NTM: variants seen among roughly 807,000 people sequenced by gnomAD.
NTM encodes neurotrimin, also known as IgLON family member 2.
A neutral mutation model predicts 42.1 loss-of-function variants in NTM; 13 were observed. That is an observed-to-expected ratio of 0.31 (90% CI 0.20 to 0.49). The LOEUF is 0.49. NTM is among the 20% of genes least tolerant of loss of function. The pLI is 0.99. For synonymous variants in NTM, 187 were observed against 179.2 expected (o/e 1.04, Z -0.35); for missense variants, 373 against 452.8 (o/e 0.82, Z 1.60).
chr11:131,391,159 G>A (rs1420399401), intron 1 of NTM, among the ~76,000 whole-genome samples: 1 of 152,172 alleles, frequency 6.6e-6, no homozygotes, highest in Middle Eastern at 3.2e-3. Flanking sequence ...GTGAGGTAGG[G>A]GTTGTAGATA....
Position 131,370,651 on chromosome 11 carries a change from T to A in NTM, c.-156T>A, listed in dbSNP as rs1253475533. 2 of 631,396 alleles carry A rather than the reference T, an allele frequency of 3.2e-6. No individual in the cohort carries two copies. Among genetic ancestry groups the A allele is most frequent in the East Asian group, 5.5e-5 (2 of 36,670 alleles). The allele number at this position is 631,396 out of a possible 1,614,324, so 39.1% of individuals were successfully genotyped here. A position where few individuals can be genotyped will look rare whatever the true frequency, so the allele number is the denominator to read the frequency against. On this transcript the variant is annotated 5_prime_UTR_variant, in exon 1 of 9. Transcript: ENST00000683400. ...GGAGATAATTACGGAGAAGTCATAC[T>A]CTCTCACACCCTCGGCTTTCTTGTT...
chr11:132,022,299 TTGCTCGACTTTA>T (rs1418387701), intron 2 of NTM, among the ~76,000 whole-genome samples: 1 of 152,262 alleles, frequency 6.6e-6, no homozygotes, highest in African/African-American at 2.4e-5. Context: ...TTTGTCAATT[TTGCTCGACTTTA>T]TGCTCTGTTT....
intron 1 of NTM, chr11:131,573,611 C>T (rs1294661023): frequency 1.3e-5 from 2 of 152,174 alleles, no homozygotes; most frequent in East Asian, 1.9e-4. Flanking sequence ...TGAAACAGTT[C>T]CCCCTCCTAT....
intron 1 of NTM, among the ~76,000 whole-genome samples, chr11:131,818,788 A>G (rs1468916378): frequency 6.6e-6 from 1 of 152,080 alleles, no homozygotes; most frequent in Admixed American, 6.5e-5. Context: ...TTCTATCCAG[A>G]ATCTATGTGG....
At chr11:131,378,000 A>G (rs1942194027) in intron 1 of NTM, among the ~76,000 whole-genome samples, 1 of 152,192 alleles carries the variant, frequency 6.6e-6, no homozygotes, top group African/African-American at 2.4e-5. Context: ...GGTAGGTGCA[A>G]TCTGCATTTA....
chr11:132,128,937 CAAAAAAAAAAAAAAA>C (rs66598841), intron 2 of NTM, among the ~76,000 whole-genome samples: 5 of 66,070 alleles, frequency 7.6e-5, no homozygotes, highest in African/African-American at 1.8e-4. Flanking sequence ...GACACCATCT[CAAAAAAAAAAAAAAA>C]AAAAAAAAAA....
chr11:132,330,264 T>C, intron 8 of NTM, 79 bp downstream of exon 8: 3 of 1,491,634 alleles, frequency 2.0e-6, no homozygotes, highest in Non-Finnish European at 2.7e-6. Flanking sequence ...CCAGATGCCT[T>C]CTTTCCTGAG....
intron 2 of NTM, among the ~76,000 whole-genome samples, chr11:132,088,514 CA>C (rs995055150): frequency 6.6e-6 from 1 of 151,840 alleles, no homozygotes; most frequent in Admixed American, 6.5e-5. Flanking sequence ...AAGCTGTCAA[CA>C]AAAAAAGGGG....
At chr11:132,255,672 C>A (rs181442065) in intron 4 of NTM, among the ~76,000 whole-genome samples, 1 of 152,308 alleles carries the variant, frequency 6.6e-6, no homozygotes, top group Admixed American at 6.5e-5. Flanking sequence ...CCTAATGCGG[C>A]TGCCCTCATC....
chr11:131,872,441 C>T (rs917265739), intron 1 of NTM, among the ~76,000 whole-genome samples: 1 of 152,236 alleles, frequency 6.6e-6, no homozygotes, highest in East Asian at 1.9e-4. Context: ...GGCTGCCTCA[C>T]ATATTGGCTT....
intron 2 of NTM, among the ~76,000 whole-genome samples, chr11:131,947,210 C>T (rs2060438442): frequency 6.6e-6 from 1 of 152,086 alleles, no homozygotes; most frequent in Non-Finnish European, 1.5e-5. Flanking sequence ...AGAAAAAGGC[C>T]CCCTTCCTTT....
At chr11:131,397,702 C>T (rs1157935996) in intron 1 of NTM, among the ~76,000 whole-genome samples, 6 of 152,166 alleles carry the variant, frequency 3.9e-5, no homozygotes, top group South Asian at 2.1e-4. Flanking sequence ...AAGTTCCCTT[C>T]GGCATCAGGA....
intron 1 of NTM, among the ~76,000 whole-genome samples, chr11:131,712,099 T>A (rs1373938697): frequency 6.7e-6 from 1 of 149,828 alleles, no homozygotes; most frequent in Non-Finnish European, 1.5e-5. Context: ...AACCTGCACA[T>A]TGTGCACATG....
At chr11:132,041,394 A>G (rs2077183669) in intron 2 of NTM, among the ~76,000 whole-genome samples, 1 of 152,160 alleles carries the variant, frequency 6.6e-6, no homozygotes, top group African/African-American at 2.4e-5. Flanking sequence ...GGAAGTGAAG[A>G]ATGTTTATGA....
At chr11:131,906,403 T>A (rs1228324816) in intron 1 of NTM, among the ~76,000 whole-genome samples, 13 of 152,112 alleles carry the variant, frequency 8.5e-5, no homozygotes, top group African/African-American at 3.1e-4. Flanking sequence ...TTTATGCTCC[T>A]ACGATCAACT....
chr11:132,018,213 T>G (rs1358795486), intron 2 of NTM, among the ~76,000 whole-genome samples: 3 of 151,780 alleles, frequency 2.0e-5, no homozygotes, highest in African/African-American at 7.2e-5. Flanking sequence ...TGCCTCCTTC[T>G]CTCTTTCTTC....
chr11:131,689,013 G>T (rs2074303432), intron 1 of NTM, among the ~76,000 whole-genome samples: 1 of 151,580 alleles, frequency 6.6e-6, no homozygotes, highest in Non-Finnish European at 1.5e-5. Context: ...CATTTAGTTA[G>T]TTTTAATTTT....
intron 1 of NTM, among the ~76,000 whole-genome samples, chr11:131,718,997 C>A (rs1051079863): frequency 6.6e-6 from 1 of 152,144 alleles, no homozygotes; most frequent in Admixed American, 6.6e-5. Flanking sequence ...GCAGCCTCAG[C>A]CTCCCAGGTT....
chr11:131,650,087 C>T (rs1388173064), intron 1 of NTM, among the ~76,000 whole-genome samples: 2 of 152,116 alleles, frequency 1.3e-5, no homozygotes, highest in African/African-American at 4.8e-5. Context: ...GGGAACAAGG[C>T]CCAGGGAGGT....
Sources: gnomAD v4.1 joint callset for allele counts (sites outside exome capture counted in the v4.1 genomes callset) on GRCh38, gnomAD v4.1.1 for gene constraint, MANE v1.5 for transcripts, NCBI Gene and HGNC (gene_info 2026-07-23, HGNC 2026-07-21) for gene names.